The following LRMDA variants were observed in gnomAD, a reference collection of about 807,000 sequenced individuals.
The protein encoded by LRMDA is leucine-rich melanocyte differentiation-associated protein.
LRMDA carries 18 observed loss-of-function variants against 29.8 expected under a neutral mutation model. The ratio of observed to expected loss-of-function variants is 0.60; its 90% confidence interval spans 0.42 to 0.90. The LOEUF (loss-of-function observed/expected upper bound fraction) is 0.90, where lower values mean the gene tolerates loss of function less well. Among genes scored for constraint, LRMDA ranks in the 40% least tolerant of loss-of-function variants. The pLI is 0.00. For missense variants in LRMDA, 273 were observed against 273.9 expected, an observed-to-expected ratio of 1.00 and a Z score of 0.02; for synonymous variants, 125 against 109.4, an observed-to-expected ratio of 1.14 and a Z score of -0.89.
intron 5 of LRMDA, among the ~76,000 whole-genome samples, chr10:76,297,861 A>G (rs1840430986): frequency 6.6e-6 from 1 of 152,194 alleles, no homozygotes; most frequent in East Asian, 1.9e-4. Context: ...TAGAGCTTTC[A>G]GGGCCTTTTG....
chr10:75,536,136 T>A (rs1486317525), intron 2 of LRMDA, among the ~76,000 whole-genome samples: 1 of 152,092 alleles, frequency 6.6e-6, no homozygotes, highest in Non-Finnish European at 1.5e-5. Flanking sequence ...CCTGAGCTGC[T>A]GTTCTGCTTG....
intron 5 of LRMDA, among the ~76,000 whole-genome samples, chr10:76,313,290 G>A (rs546555325): frequency 8.5e-5 from 13 of 152,234 alleles, no homozygotes; most frequent in African/African-American, 2.6e-4. Flanking sequence ...CGCAGTTCTC[G>A]ACACAAAGTA....
intron 6 of LRMDA, among the ~76,000 whole-genome samples, chr10:76,462,584 T>C (rs184402176): frequency 5.9e-4 from 90 of 152,326 alleles, no homozygotes; most frequent in Non-Finnish European, 7.8e-4. Flanking sequence ...TTATGAGAAG[T>C]TGAAATTCTC....
intron 2 of LRMDA, among the ~76,000 whole-genome samples, chr10:76,004,083 A>G (rs1173386196): frequency 6.6e-6 from 1 of 152,256 alleles, no homozygotes; most frequent in Non-Finnish European, 1.5e-5. Context: ...AAGACTGATT[A>G]AAATTCTTAT....
chr10:75,544,386 A>G (rs2132050816), intron 2 of LRMDA, among the ~76,000 whole-genome samples: 1 of 152,334 alleles, frequency 6.6e-6, no homozygotes, highest in South Asian at 2.1e-4. Flanking sequence ...TGCAAAATGA[A>G]AAGGATTATT....
At chr10:76,226,840 A>T (rs1851967149) in intron 5 of LRMDA, among the ~76,000 whole-genome samples, 1 of 152,176 alleles carries the variant, frequency 6.6e-6, no homozygotes. Context: ...CTTGTACAGC[A>T]TGCAGAGCTG....
At chr10:76,126,374 G>A (rs575426897) in intron 5 of LRMDA, among the ~76,000 whole-genome samples, 70 of 152,254 alleles carry the variant, frequency 4.6e-4, no homozygotes, top group African/African-American at 1.6e-3. Flanking sequence ...ATCAATCTTA[G>A]GGTTCTGTTT....
intron 6 of LRMDA, among the ~76,000 whole-genome samples, chr10:76,510,365 C>G (rs111555600): frequency 0.021 from 3,142 of 152,300 alleles, 123 homozygotes; most frequent in African/African-American, 0.073. Flanking sequence ...GCCACCACCC[C>G]CAGCCGCCCT....
intron 2 of LRMDA, among the ~76,000 whole-genome samples, chr10:75,829,030 G>C (rs544359629): frequency 6.6e-6 from 1 of 152,160 alleles, no homozygotes; most frequent in Non-Finnish European, 1.5e-5. Context: ...GCTCTATTTA[G>C]AAAACAAGTG....
At chr10:76,243,354 C>T (rs111829248) in intron 5 of LRMDA, among the ~76,000 whole-genome samples, 9,233 of 152,122 alleles carry the variant, frequency 0.061, 394 homozygotes, top group African/African-American at 0.12. Flanking sequence ...GGCTTGGTAA[C>T]AAATACTATT....
chr10:76,234,048 C>G (rs1416076424), intron 5 of LRMDA, among the ~76,000 whole-genome samples: 6 of 152,190 alleles, frequency 3.9e-5, no homozygotes, highest in Admixed American at 3.9e-4. Flanking sequence ...CCAGATCCAT[C>G]AGAGGAATCA....
chr10:75,592,695 G>C (rs1368336026), intron 2 of LRMDA, among the ~76,000 whole-genome samples: 1 of 152,218 alleles, frequency 6.6e-6, no homozygotes, highest in African/African-American at 2.4e-5. Flanking sequence ...CAGCTCTCCT[G>C]TTCCTCAGTC....
intron 2 of LRMDA, among the ~76,000 whole-genome samples, chr10:75,680,951 A>G (rs1842015804): frequency 6.6e-6 from 1 of 152,208 alleles, no homozygotes; most frequent in Non-Finnish European, 1.5e-5. Context: ...GTGGGCACCG[A>G]GAGAATTATT....
chr10:75,671,132 G>A (rs752893304), intron 2 of LRMDA, among the ~76,000 whole-genome samples: 3 of 152,140 alleles, frequency 2.0e-5, no homozygotes, highest in Non-Finnish European at 2.9e-5. Flanking sequence ...CTCAAATAAA[G>A]CAGTGAGAAA....
chr10:76,510,955 A>G (rs1464682033), intron 6 of LRMDA, among the ~76,000 whole-genome samples: 1 of 152,210 alleles, frequency 6.6e-6, no homozygotes, highest in Non-Finnish European at 1.5e-5. Flanking sequence ...TTTGAAGACC[A>G]GGTTGCAAAG....
At chr10:75,910,971 A>T (rs1845833105) in intron 2 of LRMDA, among the ~76,000 whole-genome samples, 1 of 152,090 alleles carries the variant, frequency 6.6e-6, no homozygotes, top group Admixed American at 6.6e-5. Context: ...GTAATCTGGC[A>T]TGAACAATCA....
chr10:76,112,511 C>CGG (rs1213243279), intron 5 of LRMDA, among the ~76,000 whole-genome samples: 1 of 152,226 alleles, frequency 6.6e-6, no homozygotes, highest in Non-Finnish European at 1.5e-5. Flanking sequence ...CGCTTCCACG[C>CGG]GGAGCCTCAG....
intron 6 of LRMDA, among the ~76,000 whole-genome samples, chr10:76,370,036 A>G (rs114033958): frequency 1.2e-3 from 180 of 152,302 alleles, no homozygotes; most frequent in African/African-American, 4.0e-3. Context: ...GTAAGGAGCA[A>G]TAATGAGGTC....
rs12264507 is a variant in LRMDA, at chr10:75,463,201, A to G, written c.131+24707A>G. Among the ~76,000 whole-genome samples, 316 of 152,242 alleles carry G rather than the reference A, an allele frequency of 2.1e-3. 3 individuals are homozygous for G. Among genetic ancestry groups the G allele is most frequent in the Middle Eastern group, 0.01 (3 of 294 alleles). On this transcript the variant is annotated intron_variant, in intron 2 of 6. Transcript: ENST00000611255. Reference sequence around the variant, plus strand: ...GACCTCAGCTGGGCATGTCTTGAGTATGGGATGGGTGGGCTCTAAGGGGTG... The same window carrying G: ...GACCTCAGCTGGGCATGTCTTGAGTGTGGGATGGGTGGGCTCTAAGGGGTG...
Sources: gnomAD v4.1 joint callset for allele counts (sites outside exome capture counted in the v4.1 genomes callset) on GRCh38, gnomAD v4.1.1 for gene constraint, MANE v1.5 for transcripts, NCBI Gene and HGNC (gene_info 2026-07-23, HGNC 2026-07-21) for gene names.